CCL28: variants seen among roughly 807,000 people sequenced by gnomAD.
CCL28 encodes the protein C-C motif chemokine ligand 28.
CCL28 carries 4 observed loss-of-function variants against 7.1 expected under a neutral mutation model. That is an observed-to-expected ratio of 0.56 (90% CI 0.28 to 1.29). The LOEUF (loss-of-function observed/expected upper bound fraction) is 1.29, where lower values mean the gene tolerates loss of function less well. Ranked by LOEUF, CCL28 falls within the 50% of genes most tolerant of loss-of-function variation. The probability of loss-of-function intolerance (pLI) is 0.11; values close to 1 mark genes in which losing one functional copy is unlikely to be tolerated. For synonymous variants in CCL28, 55 were observed against 57.8 expected (o/e 0.95, Z 0.22); for missense variants, 151 against 163.4 (o/e 0.92, Z 0.41).
Position 43,411,697 on chromosome 5 carries a change from G to T in CCL28, c.64+556C>A, listed in dbSNP as rs542235329. ...TCCTCCAGCCGTAGCCTCCCAAGTA[G>T]GTGGGAATACAGGCATGCACCACTG... On this transcript the variant is annotated intron_variant, in intron 1 of 2. Transcript: ENST00000361115. Among the ~76,000 whole-genome samples the T allele has an allele frequency of 3.9e-3, 596 of 152,310 alleles. 3 individuals are homozygous for T. Among genetic ancestry groups the T allele is most frequent in the African/African-American group, 0.014 (575 of 41,562 alleles).
chr5:43,394,050 G>A (rs1207818062), intron 1 of CCL28, among the ~76,000 whole-genome samples: 1 of 152,108 alleles, frequency 6.6e-6, no homozygotes, highest in Non-Finnish European at 1.5e-5. Flanking sequence ...TGGTACAGAG[G>A]AATCTTTCAT....
intron 1 of CCL28, among the ~76,000 whole-genome samples, chr5:43,395,855 CTTTTTTTTT>C (rs35785846): frequency 2.1e-5 from 2 of 94,246 alleles, no homozygotes; most frequent in Non-Finnish European, 4.0e-5. Context: ...TACCCCCCGC[CTTTTTTTTT>C]TTTTTTTTTT....
chr5:43,399,067 A>C (rs1357914726), intron 1 of CCL28, among the ~76,000 whole-genome samples: 2 of 152,162 alleles, frequency 1.3e-5, no homozygotes, highest in African/African-American at 2.4e-5. Context: ...TTGAATATGC[A>C]CTTGGATATC....
chr5:43,370,209 A>T, the CCL28 span, among the ~76,000 whole-genome samples: 1 of 152,240 alleles, frequency 6.6e-6, no homozygotes, highest in Non-Finnish European at 1.5e-5. Context: ...GTTGTTTTAA[A>T]GCACTAAATT....
rs140503214 is a variant in CCL28, at chr5:43,394,783, G to A, written c.65-6307C>T. On this transcript the variant is annotated intron_variant, in intron 1 of 2. Transcript: ENST00000361115. ...AAAGGATTTTTCTCTTTTAAAATCT[G>A]TTACTTTGCTAAATGCCTAGAACAG... Among the ~76,000 whole-genome samples the A allele has an allele frequency of 9.9e-5, 15 of 152,096 alleles. 1 individual carries two copies. The East Asian group carries it at 2.5e-3, about 25-fold the overall frequency.
chr5:43,375,198 C>T (rs1202853178), downstream of CCL28, among the ~76,000 whole-genome samples: 2 of 151,414 alleles, frequency 1.3e-5, no homozygotes, highest in South Asian at 2.1e-4. Context: ...ACCATGTTGT[C>T]CAGGCTGGTC....
downstream of CCL28, among the ~76,000 whole-genome samples, chr5:43,375,763 G>C (rs1054366438): frequency 4.6e-5 from 7 of 151,916 alleles, no homozygotes; most frequent in African/African-American, 1.7e-4. Context: ...AGGCTGAGGC[G>C]GGCGGACCCC....
At chr5:43,370,446 C>T in the CCL28 span, among the ~76,000 whole-genome samples, 2 of 152,068 alleles carry the variant, frequency 1.3e-5, no homozygotes, top group Admixed American at 6.5e-5. Context: ...ATATTGCAGA[C>T]ATCTAAATTT....
chr5:43,382,397 C>G (rs1400832021), intron 2 of CCL28, among the ~76,000 whole-genome samples: 11 of 152,124 alleles, frequency 7.2e-5, no homozygotes, highest in East Asian at 1.9e-4. Flanking sequence ...TAATAAAAAC[C>G]AAGTGAACCC....
the CCL28 span, among the ~76,000 whole-genome samples, chr5:43,364,178 G>C: frequency 6.6e-6 from 1 of 150,634 alleles, no homozygotes; most frequent in Non-Finnish European, 1.5e-5. Flanking sequence ...AGGCAAAGCA[G>C]ACTACAAACC....
At chr5:43,399,240 T>A (rs1393036897) in intron 1 of CCL28, among the ~76,000 whole-genome samples, 1 of 152,194 alleles carries the variant, frequency 6.6e-6, no homozygotes, top group Non-Finnish European at 1.5e-5. Flanking sequence ...TCCTGTAGAT[T>A]GTATTTTCCT....
chr5:43,377,534 G>T (rs897142132), downstream of CCL28: 9 of 146,258 alleles, frequency 6.2e-5, no homozygotes, highest in African/African-American at 2.3e-4. Context: ...AAAAGAAAAA[G>T]TTATTTTAAA....
downstream of CCL28, among the ~76,000 whole-genome samples, chr5:43,375,227 G>C (rs1240836609): frequency 6.6e-6 from 1 of 151,566 alleles, no homozygotes; most frequent in Non-Finnish European, 1.5e-5. Flanking sequence ...CTGACCTCGT[G>C]ATCCACCCAC....
At chr5:43,396,921 G>C (rs889356409) in intron 1 of CCL28, 1 of 152,160 alleles carries the variant, frequency 6.6e-6, no homozygotes, top group Non-Finnish European at 1.5e-5. Context: ...AAGAGCGCGG[G>C]AAGTGCAGAG....
At chr5:43,367,946 C>T in the CCL28 span, among the ~76,000 whole-genome samples, 1 of 152,206 alleles carries the variant, frequency 6.6e-6, no homozygotes, top group African/African-American at 2.4e-5. Context: ...CTACCCAGAA[C>T]TGCCATGAAG....
At chr5:43,366,056 A>G in the CCL28 span, among the ~76,000 whole-genome samples, 1 of 152,184 alleles carries the variant, frequency 6.6e-6, no homozygotes, top group African/African-American at 2.4e-5. Flanking sequence ...TCTCATCAGC[A>G]ATTCCTCTAA....
the CCL28 span, among the ~76,000 whole-genome samples, chr5:43,365,021 T>TC: frequency 6.7e-6 from 1 of 150,310 alleles, no homozygotes; most frequent in South Asian, 2.1e-4. Flanking sequence ...TTTTTTTTTT[T>TC]TTGAGATGGC....
chr5:43,394,449 C>G (rs1740716379), intron 1 of CCL28, among the ~76,000 whole-genome samples: 1 of 152,182 alleles, frequency 6.6e-6, no homozygotes, highest in Admixed American at 6.5e-5. Context: ...GGAATTATCT[C>G]TCTATCTATT....
intron 1 of CCL28, among the ~76,000 whole-genome samples, chr5:43,411,388 A>G (rs1741531196): frequency 6.6e-6 from 1 of 152,212 alleles, no homozygotes. Context: ...CTCTAGTTCA[A>G]ATGCAGTTAC....
Sources: allele counts gnomAD v4.1 joint callset (sites outside exome capture counted in the v4.1 genomes callset), GRCh38; gene constraint gnomAD v4.1.1; transcripts MANE v1.5; gene names NCBI Gene and HGNC (gene_info 2026-07-23, HGNC 2026-07-21).